ZFPM2: variants seen among roughly 807,000 people sequenced by gnomAD.
The protein encoded by ZFPM2 is zinc finger protein, FOG family member 2.
ZFPM2 carries 20 observed loss-of-function variants against 98.6 expected under a neutral mutation model. The ratio of observed to expected loss-of-function variants is 0.20; its 90% CI spans 0.14 to 0.29. The LOEUF (loss-of-function observed/expected upper bound fraction) is 0.29. ZFPM2 is among the 10% of genes least tolerant of loss of function. The probability of loss-of-function intolerance (pLI) is 1.00; values close to 1 mark genes in which losing one functional copy is unlikely to be tolerated. For synonymous variants in ZFPM2, 518 were observed against 502.7 expected, an observed-to-expected ratio of 1.03 and a Z score of -0.41; for missense variants, 1,310 against 1,388.6, an observed-to-expected ratio of 0.94 and a Z score of 0.90.
intron 3 of ZFPM2, among the ~76,000 whole-genome samples, chr8:105,534,018 TCTTCCCTTCCTCCCTCCCTCCCTC>T (rs1814370683): frequency 4.0e-5 from 1 of 25,230 alleles, no homozygotes; most frequent in Non-Finnish European, 6.5e-5. Context: ...CTTCCTCCCT[TCTTCCCTTCCTCCCTCCCTCCCTC>T]CCTTCCTCCC....
At chr8:105,576,940 TTTATAGTGGTATG>T (rs1262753216) in intron 4 of ZFPM2, among the ~76,000 whole-genome samples, 5 of 152,144 alleles carry the variant, frequency 3.3e-5, no homozygotes, top group African/African-American at 1.2e-4. Flanking sequence ...ATTAGTTTCC[TTTATAGTGGTATG>T]TTATTTTTAT....
chr8:105,462,359 C>G (rs1158965456), intron 3 of ZFPM2, among the ~76,000 whole-genome samples: 2 of 152,060 alleles, frequency 1.3e-5, no homozygotes, highest in Non-Finnish European at 2.9e-5. Flanking sequence ...GGTTTCATTG[C>G]TAACAGAGGA....
At chr8:105,461,131 T>C (rs80160465) in intron 3 of ZFPM2, among the ~76,000 whole-genome samples, 4,042 of 152,154 alleles carry the variant, frequency 0.027, 176 homozygotes, top group African/African-American at 0.093. Flanking sequence ...TCATATAGCT[T>C]AAGGCTACTA....
intron 4 of ZFPM2, among the ~76,000 whole-genome samples, chr8:105,579,176 C>CCTTT (rs34391153): frequency 0.14 from 21,101 of 152,000 alleles, 1,488 homozygotes; most frequent in Admixed American, 0.17. Context: ...AACTGCATTG[C>CCTTT]CTGATACAGT....
chr8:105,562,633 A>AC (rs1815164385), intron 4 of ZFPM2, among the ~76,000 whole-genome samples: 1 of 151,628 alleles, frequency 6.6e-6, no homozygotes, highest in South Asian at 2.1e-4. Flanking sequence ...TCCCTCATAG[A>AC]CCCCCTTCCA....
At chr8:105,483,231 T>C (rs1429260459) in intron 3 of ZFPM2, among the ~76,000 whole-genome samples, 2 of 151,992 alleles carry the variant, frequency 1.3e-5, no homozygotes, top group African/African-American at 2.4e-5. Context: ...TCTCAGCCCT[T>C]TTGGTCTAAA....
At chr8:105,754,681 CTT>C (rs35895775) in intron 5 of ZFPM2, among the ~76,000 whole-genome samples, 25,100 of 146,862 alleles carry the variant, frequency 0.17, 3,553 homozygotes, top group African/African-American at 0.39. Context: ...TAGTAGCAAC[CTT>C]TTTTTTTTTT....
intron 3 of ZFPM2, among the ~76,000 whole-genome samples, chr8:105,496,375 CCTGT>C (rs1813467982): frequency 6.6e-6 from 1 of 152,008 alleles, no homozygotes; most frequent in African/African-American, 2.4e-5. Flanking sequence ...CTCAATCTTC[CCTGT>C]CTTTCAAGAC....
At chr8:105,488,041 C>A (rs1158599727) in intron 3 of ZFPM2, among the ~76,000 whole-genome samples, 1 of 151,966 alleles carries the variant, frequency 6.6e-6, no homozygotes, top group East Asian at 1.9e-4. Flanking sequence ...TCTGCCCCAA[C>A]ATATATACAA....
chr8:105,376,975 C>T (rs1185331242), intron 1 of ZFPM2, among the ~76,000 whole-genome samples: 1 of 152,192 alleles, frequency 6.6e-6, no homozygotes, highest in Non-Finnish European at 1.5e-5. Flanking sequence ...AAACTTCCTG[C>T]TCAGCTCTCT....
At chr8:105,462,366 A>T (rs1812719016) in intron 3 of ZFPM2, among the ~76,000 whole-genome samples, 2 of 152,086 alleles carry the variant, frequency 1.3e-5, no homozygotes, top group Non-Finnish European at 2.9e-5. Flanking sequence ...TTGCTAACAG[A>T]GGAAAAATTC....
At chr8:105,433,220 G>A (rs1332896842) in intron 2 of ZFPM2, among the ~76,000 whole-genome samples, 1 of 152,166 alleles carries the variant, frequency 6.6e-6, no homozygotes, top group Non-Finnish European at 1.5e-5. Context: ...CCGATGAAAA[G>A]TTGTCTTATT....
intron 3 of ZFPM2, among the ~76,000 whole-genome samples, chr8:105,551,199 A>G (rs548978223): frequency 6.6e-6 from 1 of 152,294 alleles, no homozygotes; most frequent in East Asian, 1.9e-4. Flanking sequence ...ACTGTAAGAG[A>G]ATTTAGTGCG....
chr8:105,647,934 A>G (rs1817083874), intron 5 of ZFPM2, among the ~76,000 whole-genome samples: 1 of 152,078 alleles, frequency 6.6e-6, no homozygotes, highest in Non-Finnish European at 1.5e-5. Flanking sequence ...CTAGTTCTAG[A>G]TCCTTGAGGA....
At position 105,425,597 on chromosome 8, in the gene ZFPM2, C is replaced by T. The variant is rs182376382; in HGVS notation, c.199+6295C>T. Among the ~76,000 whole-genome samples the T allele has an allele frequency of 3.0e-3, 464 of 152,274 alleles. 4 individuals carry two copies. Among genetic ancestry groups the T allele is most frequent in the Non-Finnish European group, 5.4e-3 (366 of 68,008 alleles). On this transcript the variant is annotated intron_variant, in intron 2 of 7. Coordinates refer to ENST00000407775, the MANE Select transcript of ZFPM2 (RefSeq NM_012082.4). ...CATCATCGTACTCAACTTCTTCTGC[C>T]GATAGGCATCCAGGCTCATTGAAAT... is the stretch of plus-strand genomic sequence containing the variant.
chr8:105,581,941 T>C (rs559030304), intron 4 of ZFPM2, among the ~76,000 whole-genome samples: 23 of 152,342 alleles, frequency 1.5e-4, no homozygotes, highest in African/African-American at 5.3e-4. Context: ...CTATTCTGTT[T>C]AACTCTGACA....
chr8:105,694,377 A>C (rs1810968011), intron 5 of ZFPM2, among the ~76,000 whole-genome samples: 1 of 152,100 alleles, frequency 6.6e-6, no homozygotes, highest in Non-Finnish European at 1.5e-5. Context: ...TAAGTAAAAA[A>C]ATCACAATTA....
chr8:105,785,715 G>C (rs1228013586), intron 5 of ZFPM2, among the ~76,000 whole-genome samples: 1 of 146,496 alleles, frequency 6.8e-6, no homozygotes, highest in African/African-American at 2.8e-5. Flanking sequence ...ACCAGCCTGG[G>C]CAACATAGTG....
intron 3 of ZFPM2, among the ~76,000 whole-genome samples, chr8:105,471,107 C>A (rs1233292823): frequency 1.3e-5 from 2 of 152,128 alleles, no homozygotes. Context: ...CTGACAGCTT[C>A]GTTTGGTTCA....
Sources: gnomAD v4.1 joint callset for allele counts (sites outside exome capture counted in the v4.1 genomes callset) on GRCh38, gnomAD v4.1.1 for gene constraint, MANE v1.5 for transcripts, NCBI Gene and HGNC (gene_info 2026-07-23, HGNC 2026-07-21) for gene names.